MACF1: variants seen among roughly 807,000 people sequenced by gnomAD.
MACF1 encodes microtubule actin crosslinking factor 1, also known as microtubule-actin cross-linking factor 1.
MACF1 carries 193 observed loss-of-function variants against 854.8 expected under a neutral mutation model. The ratio of observed to expected loss-of-function variants is 0.23; its 90% CI spans 0.20 to 0.25. The LOEUF (loss-of-function observed/expected upper bound fraction) is 0.25. Ranked by LOEUF, MACF1 falls within the 10% of genes least tolerant of loss-of-function variation. The pLI, the probability that MACF1 is intolerant of heterozygous loss-of-function variation, is 1.00. For synonymous variants in MACF1, 3,185 were observed against 3,226.7 expected (o/e 0.99, Z 0.44); for missense variants, 7,722 against 8,929.1 (o/e 0.86, Z 5.45).
chr1:39,174,420 G>A (rs1306270399), intron 2 of MACF1, among the ~76,000 whole-genome samples: 2 of 152,184 alleles, frequency 1.3e-5, no homozygotes, highest in Admixed American at 6.5e-5. Context: ...CAAATGCTGA[G>A]TGTAGCTTTA....
intron 97 of MACF1, among the ~76,000 whole-genome samples, chr1:39,475,086 G>A (rs1473371915): frequency 2.0e-5 from 3 of 152,116 alleles, no homozygotes; most frequent in South Asian, 2.1e-4. Flanking sequence ...GTGCTTCCTA[G>A]TCCCCAAGAT....
intron 2 of MACF1, among the ~76,000 whole-genome samples, chr1:39,114,572 CAG>C (rs1240878945): frequency 6.6e-6 from 1 of 152,090 alleles, no homozygotes; most frequent in Non-Finnish European, 1.5e-5. Flanking sequence ...GCCTGGATGA[CAG>C]AGGAAATATT....
intron 96 of MACF1, among the ~76,000 whole-genome samples, chr1:39,469,115 G>T (rs1644726037): frequency 6.6e-6 from 1 of 152,180 alleles, no homozygotes. Flanking sequence ...TACTCAGGGA[G>T]AGTGTTAGGC....
At chr1:39,325,514 C>A (rs1646593390) in intron 35 of MACF1, among the ~76,000 whole-genome samples, 1 of 152,088 alleles carries the variant, frequency 6.6e-6, no homozygotes, top group African/African-American at 2.4e-5. Flanking sequence ...AATATATGGT[C>A]AAGAAGGGTT....
chr1:39,414,663 A>C, intron 58 of MACF1: 1 of 872,820 alleles, frequency 1.1e-6, no homozygotes. Context: ...CTGGTGAAAG[A>C]CTTTATAATT....
At chr1:39,422,931 A>G in intron 60 of MACF1, 31 bp downstream of exon 60, 1 of 1,605,068 alleles carries the variant, frequency 6.2e-7, no homozygotes, top group Non-Finnish European at 8.5e-7. Flanking sequence ...AGTGAACTGT[A>G]ACAGCCGTAG....
In MACF1 at chr1:39,442,060, ATC is replaced by A; in HGVS notation, c.18774+9_18774+10del. On this transcript the variant is annotated splice_region_variant and intron_variant, in intron 75 of 100. Transcript: ENST00000564288. ...TCAGTTAAATGAAATGAAGGTTTGTATCTGGGTATGGCTTTTGAAGAAGAATT... is the reference window on the plus strand; with the variant it reads ...TCAGTTAAATGAAATGAAGGTTTGTATGGGTATGGCTTTTGAAGAAGAATT... 6.2e-7 allele frequency: 1 copy of A among 1,608,814 alleles called. No homozygotes were observed. Among genetic ancestry groups the A allele is most frequent in the Non-Finnish European group, 8.5e-7 (1 of 1,178,354 alleles).
chr1:39,307,901 C>CTTTCTTTCTTTTTTTTTTTTTTTTTTTTT (rs1222230255), intron 23 of MACF1, among the ~76,000 whole-genome samples: 2 of 50,392 alleles, frequency 4.0e-5, no homozygotes, highest in African/African-American at 1.5e-4. Context: ...TTCTTTCTTT[C>CTTTCTTTCTTTTTTTTTTTTTTTTTTTTT]TTTTTTTTTT....
chr1:39,342,648 A>G (rs754486044), intron 40 of MACF1, among the ~76,000 whole-genome samples: 39 of 150,510 alleles, frequency 2.6e-4, no homozygotes, highest in Non-Finnish European at 2.4e-4. Context: ...CCTCCCAAGT[A>G]GCTGGGATTA....
intron 26 of MACF1, among the ~76,000 whole-genome samples, chr1:39,313,875 A>G (rs1646352972): frequency 6.6e-6 from 1 of 151,856 alleles, no homozygotes. Flanking sequence ...TCAGCCTCCC[A>G]AAAGTGCTGG....
chr1:39,475,145 G>A (rs1644854662), intron 97 of MACF1, among the ~76,000 whole-genome samples: 1 of 152,160 alleles, frequency 6.6e-6, no homozygotes, highest in African/African-American at 2.4e-5. Context: ...TTTGGGAGAT[G>A]CCAAGTTAAA....
chr1:39,149,797 A>G (rs890472140), intron 2 of MACF1, among the ~76,000 whole-genome samples: 1 of 151,964 alleles, frequency 6.6e-6, no homozygotes, highest in East Asian at 1.9e-4. Flanking sequence ...TCTCACTTCT[A>G]AGCCAGACAA....
chr1:39,258,017 T>C lies in MACF1; in HGVS notation c.517T>C (p.Leu173=). 6.2e-7 allele frequency: 1 copy of C among 1,614,008 alleles called. No homozygotes were observed. The highest frequency in any genetic ancestry group is 8.5e-7 in the Non-Finnish European group (1 of 1,179,920). ...LTLGLIWTII[L]HFQISDIYIS... ...CCTGGGTCTGATCTGGACCATTATT[T>C]TGCATTTCCAGGTAGGGCATGTGAA... Residue 173 remains leucine (L), a synonymous_variant, in exon 6 of 101, where the codon TTG becomes CTG. Coordinates refer to ENST00000564288, the MANE Select transcript of MACF1 (RefSeq NM_001394062.1).
At chr1:39,459,922 C>A in intron 91 of MACF1, 1 of 1,054,396 alleles carries the variant, frequency 9.5e-7, no homozygotes, top group Non-Finnish European at 1.3e-6. Flanking sequence ...CCCATTCCTT[C>A]TAACTTTGGA....
intron 2 of MACF1, among the ~76,000 whole-genome samples, chr1:39,241,116 G>A (rs1484302601): frequency 2.0e-5 from 3 of 150,204 alleles, no homozygotes; most frequent in Admixed American, 6.6e-5. Context: ...AATCAATATC[G>A]GTTTCTGTTT....
chr1:39,245,839 C>G (rs1427942460), intron 2 of MACF1, among the ~76,000 whole-genome samples: 1 of 152,102 alleles, frequency 6.6e-6, no homozygotes, highest in Non-Finnish European at 1.5e-5. Context: ...CCTCATTTAA[C>G]TTAGTTCTCT....
chr1:39,361,023 C>G (rs1648142681), intron 48 of MACF1, 22 bp downstream of exon 48: 9 of 1,599,640 alleles, frequency 5.6e-6, no homozygotes, highest in Non-Finnish European at 7.7e-6. Flanking sequence ...GTCCCAAGAG[C>G]TAGCATAGAG....
intron 58 of MACF1, among the ~76,000 whole-genome samples, chr1:39,407,417 C>T (rs1642755581): frequency 6.6e-6 from 1 of 152,166 alleles, no homozygotes; most frequent in African/African-American, 2.4e-5. Context: ...ACCAAGAGGA[C>T]ACAGGATTCT....
intron 99 of MACF1, among the ~76,000 whole-genome samples, chr1:39,482,020 A>G (rs1243969081): frequency 6.6e-6 from 1 of 152,220 alleles, no homozygotes; most frequent in Non-Finnish European, 1.5e-5. Context: ...TAATGGCTCC[A>G]GTTTCATAAA....
Sources: allele counts gnomAD v4.1 joint callset (sites outside exome capture counted in the v4.1 genomes callset), GRCh38; gene constraint gnomAD v4.1.1; transcripts MANE v1.5; gene names NCBI Gene and HGNC (gene_info 2026-07-23, HGNC 2026-07-21).